Variants in VPS13B observed in about 807,000 individuals in gnomAD.
The protein encoded by VPS13B is vacuolar protein sorting 13 homolog B.
A neutral mutation model predicts 426.4 loss-of-function variants in VPS13B; 285 were observed. The ratio of observed to expected loss-of-function variants is 0.67; its 90% confidence interval spans 0.61 to 0.74. VPS13B has a LOEUF of 0.74. Ranked by LOEUF, VPS13B falls within the 30% of genes least tolerant of loss-of-function variation. VPS13B has a pLI of 0.00. For missense variants in VPS13B, 4,537 were observed against 4,782.6 expected (o/e 0.95, Z 1.51); for synonymous variants, 1,676 against 1,676.4 (o/e 1.00, Z 0.01).
intron 3 of VPS13B, among the ~76,000 whole-genome samples, chr8:99,094,792 T>C (rs947163438): frequency 1.3e-5 from 2 of 152,144 alleles, no homozygotes; most frequent in Admixed American, 6.5e-5. Context: ...CCTTCAAATA[T>C]ATAAAGTAGA....
At chr8:99,259,055 A>G (rs1817912646) in intron 17 of VPS13B, among the ~76,000 whole-genome samples, 1 of 152,004 alleles carries the variant, frequency 6.6e-6, no homozygotes, top group Non-Finnish European at 1.5e-5. Context: ...GAGCATTTAC[A>G]TGCCAAATGC....
At position 99,413,191 on chromosome 8, in the gene VPS13B, GT is replaced by G. The variant is rs200124965; in HGVS notation, c.3083-18337del. Among the ~76,000 whole-genome samples the G allele has an allele frequency of 2.0e-5, 3 of 150,754 alleles. No homozygotes were observed. The South Asian group carries it at 6.3e-4, about 32-fold the overall frequency. ...CGTCTTTGAATCCATAGGGTCCTGG[GT>G]TTTTTTTTGTTGGTAGGCTATTAAT... On this transcript the variant is annotated intron_variant, in intron 21 of 61. Transcript: ENST00000357162.
At chr8:99,701,940 T>G (rs1030290976) in intron 36 of VPS13B, among the ~76,000 whole-genome samples, 1 of 152,158 alleles carries the variant, frequency 6.6e-6, no homozygotes, top group South Asian at 2.1e-4. Flanking sequence ...AAATTGTGAT[T>G]AAGAGATTGC....
intron 3 of VPS13B, among the ~76,000 whole-genome samples, chr8:99,047,418 T>G (rs1385965508): frequency 1.3e-5 from 2 of 152,148 alleles, no homozygotes; most frequent in East Asian, 3.8e-4. Flanking sequence ...ATTTTCTCTC[T>G]TCTTTTTTGG....
chr8:99,404,088 A>G (rs1005327296), intron 21 of VPS13B, among the ~76,000 whole-genome samples: 11 of 152,200 alleles, frequency 7.2e-5, no homozygotes, highest in African/African-American at 1.2e-4. Flanking sequence ...TAATTTTTCA[A>G]CTTCATCTGT....
chr8:99,717,175 A>C lies in VPS13B; in HGVS notation c.6459A>C (p.Ile2153=). ...SVKATQKVPG[I]ILGSSFLLSI... ...TCTTCTGTATTTTTTTTTCAGGCAT[A>C]ATTCTTGGGTCATCATTTCTACTCA... is the stretch of plus-strand genomic sequence containing the variant. Residue 2153 remains isoleucine (I), a synonymous_variant, in exon 37 of 62, where the codon ATA becomes ATC. Coordinates refer to ENST00000357162, the MANE Select transcript of VPS13B (RefSeq NM_152564.5). 1 of 1,612,878 alleles carries C rather than the reference A, an allele frequency of 6.2e-7. No individual in the cohort carries two copies. The highest frequency in any genetic ancestry group is 1.1e-5 in the South Asian group (1 of 91,034).
intron 33 of VPS13B, among the ~76,000 whole-genome samples, chr8:99,639,347 A>AAGAACAGTT (rs1829206835): frequency 6.6e-6 from 1 of 152,156 alleles, no homozygotes; most frequent in Non-Finnish European, 1.5e-5. Flanking sequence ...GACAAATGTC[A>AAGAACAGTT]CTTATCTTGA....
chr8:99,363,627 G>T (rs563140433), intron 19 of VPS13B, among the ~76,000 whole-genome samples: 1 of 152,094 alleles, frequency 6.6e-6, no homozygotes, highest in South Asian at 2.1e-4. Flanking sequence ...TTATTTTATT[G>T]TGCCTTCTTC....
chr8:99,642,098 A>G lies in VPS13B; in HGVS notation c.5508A>G (p.Ser1836=). 1 of 1,614,148 alleles carries G rather than the reference A, an allele frequency of 6.2e-7. No individual in the cohort carries two copies. Among genetic ancestry groups the G allele is most frequent in the Non-Finnish European group, 8.5e-7 (1 of 1,180,018 alleles). The change falls in exon 34 of 62, where the codon TCA becomes TCG. Residue 1836 remains serine, a synonymous_variant. Transcript: ENST00000357162. ...YSCMALSKSK[S]QEQKNNEKTD... ...GTATGGCCTTATCCAAATCGAAATCACAAGAACAGAAGAATAATGAAAAAA... is the reference window on the plus strand; with the variant it reads ...GTATGGCCTTATCCAAATCGAAATCGCAAGAACAGAAGAATAATGAAAAAA...
At chr8:99,861,419 A>C (rs535925304) in intron 57 of VPS13B, among the ~76,000 whole-genome samples, 1 of 152,300 alleles carries the variant, frequency 6.6e-6, no homozygotes, top group African/African-American at 2.4e-5. Context: ...CTCCCACCTC[A>C]GCCCCCTGAG....
chr8:99,507,940 C>G (rs537025382), intron 28 of VPS13B: 1 of 1,613,892 alleles, frequency 6.2e-7, no homozygotes, highest in African/African-American at 1.3e-5. Context: ...TTATGCTACA[C>G]AACTCCCATT....
chr8:99,389,435 T>C (rs1057001753), intron 20 of VPS13B, among the ~76,000 whole-genome samples: 6 of 152,146 alleles, frequency 3.9e-5, no homozygotes, highest in African/African-American at 1.4e-4. Flanking sequence ...TGTATACCTT[T>C]TGAGTCCCCC....
chr8:99,699,282 A>T (rs901495177), intron 35 of VPS13B, among the ~76,000 whole-genome samples: 3 of 151,956 alleles, frequency 2.0e-5, no homozygotes, highest in African/African-American at 4.8e-5. Context: ...TATCAGGGCC[A>T]CACATGTCAC....
At chr8:99,090,970 G>A (rs1232214522) in intron 3 of VPS13B, among the ~76,000 whole-genome samples, 4 of 152,082 alleles carry the variant, frequency 2.6e-5, no homozygotes, top group East Asian at 1.9e-4. Context: ...GGTGGCAATC[G>A]GATACACACC....
chr8:99,139,537 A>G (rs1310395366), intron 12 of VPS13B, among the ~76,000 whole-genome samples: 1 of 149,104 alleles, frequency 6.7e-6, no homozygotes, highest in Non-Finnish European at 1.5e-5. Flanking sequence ...TCCCGGGTTC[A>G]TGCCATTCTC....
intron 44 of VPS13B, among the ~76,000 whole-genome samples, chr8:99,815,135 G>A (rs1813948905): frequency 6.8e-6 from 1 of 146,036 alleles, no homozygotes; most frequent in Admixed American, 7.1e-5. Context: ...ATGCATGGGT[G>A]TGTGGGAAAA....
intron 16 of VPS13B, among the ~76,000 whole-genome samples, chr8:99,177,827 A>G (rs1360954380): frequency 6.6e-6 from 1 of 152,224 alleles, no homozygotes; most frequent in Non-Finnish European, 1.5e-5. Flanking sequence ...CATGACCTAT[A>G]TCTATGTCAG....
At chr8:99,625,116 A>C (rs1426555974) in intron 33 of VPS13B, among the ~76,000 whole-genome samples, 2 of 152,150 alleles carry the variant, frequency 1.3e-5, no homozygotes, top group Non-Finnish European at 2.9e-5. Flanking sequence ...GAGAACACAC[A>C]AACAGAAAAG....
At chr8:99,375,071 T>C (rs957539) in intron 19 of VPS13B, among the ~76,000 whole-genome samples, 43,094 of 152,074 alleles carry the variant, frequency 0.28, 7,138 homozygotes, top group East Asian at 0.44. Context: ...CTCTCCAGCC[T>C]TGCTTCTTGT....
Sources: allele counts gnomAD v4.1 joint callset (sites outside exome capture counted in the v4.1 genomes callset), GRCh38; gene constraint gnomAD v4.1.1; transcripts MANE v1.5; gene names NCBI Gene and HGNC (gene_info 2026-07-23, HGNC 2026-07-21).